RGS6: variants seen among roughly 807,000 people sequenced by gnomAD.
RGS6 encodes regulator of G protein signaling 6.
In RGS6, 30 loss-of-function variants were observed where a neutral mutation model predicts 78.5. That is an observed-to-expected ratio of 0.38 (90% CI 0.29 to 0.52). The LOEUF is 0.52. Among genes scored for constraint, RGS6 ranks in the 20% least tolerant of loss-of-function variants. RGS6 has a pLI of 0.85. For missense variants in RGS6, 495 were observed against 609.7 expected (o/e 0.81, Z 1.98); for synonymous variants, 206 against 206.0 (o/e 1.00, Z 0.00).
Position 72,070,349 on chromosome 14 carries a change from A to C in RGS6, c.84+105474A>C, listed in dbSNP as rs540879982. On this transcript the variant is annotated intron_variant, in intron 2 of 17. Transcript: ENST00000553525. The stretch of plus-strand genomic sequence containing the variant: ...TTACCAACTGTGACTCTTCACATTA[A>C]ATTTTTGGCTTCAGGGTTTTGGGAC... Among the ~76,000 whole-genome samples the C allele has an allele frequency of 1.9e-4, 29 of 152,288 alleles. 1 individual carries two copies. The highest frequency in any genetic ancestry group is 2.9e-4 in the Non-Finnish European group (20 of 68,022).
intron 2 of RGS6, among the ~76,000 whole-genome samples, chr14:72,317,033 A>G (rs2070476288): frequency 6.6e-6 from 1 of 152,052 alleles, no homozygotes; most frequent in South Asian, 2.1e-4. Flanking sequence ...ACTTACAGCA[A>G]TTACAACAAA....
chr14:72,482,282 C>G (rs552395418), intron 12 of RGS6, among the ~76,000 whole-genome samples: 2 of 152,062 alleles, frequency 1.3e-5, no homozygotes, highest in Non-Finnish European at 2.9e-5. Flanking sequence ...GCCCTGCTTC[C>G]CCTTCCCTAA....
intron 3 of RGS6, among the ~76,000 whole-genome samples, chr14:72,395,428 A>C (rs189455940): frequency 6.6e-6 from 1 of 152,330 alleles, no homozygotes; most frequent in Admixed American, 6.5e-5. Context: ...TTTAATTTAA[A>C]AAATACATAT....
At chr14:72,148,129 TAAAAAAAAAAAAAAA>T (rs35367140) in intron 2 of RGS6, among the ~76,000 whole-genome samples, 1 of 67,566 alleles carries the variant, frequency 1.5e-5, no homozygotes, top group African/African-American at 6.5e-5. Context: ...AGACTCCATC[TAAAAAAAAAAAAAAA>T]AAAAAAAAAA....
chr14:72,593,325 G>T, the RGS6 span, among the ~76,000 whole-genome samples: 1 of 152,216 alleles, frequency 6.6e-6, no homozygotes, highest in Non-Finnish European at 1.5e-5. Context: ...TCATACGATA[G>T]CAAGAAATGC....
At chr14:72,599,000 G>A in the RGS6 span, among the ~76,000 whole-genome samples, 498 of 151,848 alleles carry the variant, frequency 3.3e-3, 2 homozygotes, top group African/African-American at 0.011. Context: ...GTGCAGCCAC[G>A]GGATTCTCTA....
rs191902743 is a variant in RGS6 at position 72,473,158 on chromosome 14, A to G, written c.618+205A>G. On this transcript the variant is annotated intron_variant, in intron 9 of 17. Coordinates refer to ENST00000553525, the MANE Select transcript of RGS6 (RefSeq NM_001204424.2). ...AAGTTCCACCTTTTAAAAATTATTCATTCGGCCGGGCATGGCGGCTCACGC... is the reference window on the plus strand; with the variant it reads ...AAGTTCCACCTTTTAAAAATTATTCGTTCGGCCGGGCATGGCGGCTCACGC... Among the ~76,000 whole-genome samples, 522 of 152,334 alleles carry G rather than the reference A, an allele frequency of 3.4e-3. 6 individuals are homozygous for G. The highest frequency in any genetic ancestry group is 0.012 in the African/African-American group (505 of 41,578).
At chr14:72,299,966 C>T (rs1427452875) in intron 2 of RGS6, among the ~76,000 whole-genome samples, 1 of 151,818 alleles carries the variant, frequency 6.6e-6, no homozygotes, top group Admixed American at 6.6e-5. Flanking sequence ...TATCATTTTT[C>T]TCTTTTGTTT....
At chr14:72,487,104 A>G (rs2096501479) in intron 12 of RGS6, among the ~76,000 whole-genome samples, 1 of 152,036 alleles carries the variant, frequency 6.6e-6, no homozygotes, top group Admixed American at 6.6e-5. Context: ...TCCAAGATGC[A>G]CTTTGCTGTC....
intron 3 of RGS6, among the ~76,000 whole-genome samples, chr14:72,439,036 T>C (rs2153196718): frequency 6.6e-6 from 1 of 152,384 alleles, no homozygotes; most frequent in Admixed American, 6.5e-5. Flanking sequence ...GACCATCTCC[T>C]TCTTGTTCCT....
At chr14:71,960,337 A>G (rs1199561544) in intron 1 of RGS6, among the ~76,000 whole-genome samples, 2 of 152,234 alleles carry the variant, frequency 1.3e-5, no homozygotes, top group African/African-American at 4.8e-5. Flanking sequence ...GTTCATATCA[A>G]TAAACCTTGG....
chr14:72,150,037 C>A (rs1196382544), intron 2 of RGS6, among the ~76,000 whole-genome samples: 1 of 152,150 alleles, frequency 6.6e-6, no homozygotes, highest in East Asian at 1.9e-4. Flanking sequence ...TAGTGTTCCT[C>A]CCAAATTCAC....
At chr14:72,047,892 A>ATTTTT (rs1470612017) in intron 2 of RGS6, among the ~76,000 whole-genome samples, 1 of 83,466 alleles carries the variant, frequency 1.2e-5, no homozygotes, top group Non-Finnish European at 2.2e-5. Context: ...TGCCCAGCTA[A>ATTTTT]TTTTTGTTTT....
At chr14:72,560,056 G>A (rs2097649397) in intron 17 of RGS6, among the ~76,000 whole-genome samples, 1 of 152,108 alleles carries the variant, frequency 6.6e-6, no homozygotes, top group South Asian at 2.1e-4. Context: ...CTTTGTCTCT[G>A]GGCTTTGAAT....
At chr14:72,035,304 TA>T (rs2091525699) in intron 2 of RGS6, among the ~76,000 whole-genome samples, 1 of 151,768 alleles carries the variant, frequency 6.6e-6, no homozygotes, top group Admixed American at 6.6e-5. Context: ...AGCAATATAT[TA>T]TAATCCTTTT....
chr14:72,223,103 A>G (rs1483143937), intron 2 of RGS6, among the ~76,000 whole-genome samples: 2 of 152,232 alleles, frequency 1.3e-5, no homozygotes, highest in East Asian at 3.8e-4. Context: ...TCCCTTCAAG[A>G]GTTCAAATTT....
At chr14:71,905,712 A>G in the RGS6 span, among the ~76,000 whole-genome samples, 2 of 152,074 alleles carry the variant, frequency 1.3e-5, no homozygotes, top group Non-Finnish European at 2.9e-5. Context: ...CTGGTCTCGA[A>G]CTCCTGAGCT....
intron 2 of RGS6, among the ~76,000 whole-genome samples, chr14:72,049,859 T>G (rs991604345): frequency 1.3e-5 from 2 of 152,200 alleles, no homozygotes; most frequent in Admixed American, 6.5e-5. Flanking sequence ...TTTGAAGATA[T>G]GCTGTATCAA....
At chr14:72,132,325 G>C (rs2096341065) in intron 2 of RGS6, among the ~76,000 whole-genome samples, 1 of 151,080 alleles carries the variant, frequency 6.6e-6, no homozygotes, top group Non-Finnish European at 1.5e-5. Flanking sequence ...TGCCCAGGCT[G>C]GAGCGCAGTG....
Sources: gnomAD v4.1 joint callset for allele counts (sites outside exome capture counted in the v4.1 genomes callset) on GRCh38, gnomAD v4.1.1 for gene constraint, MANE v1.5 for transcripts, NCBI Gene and HGNC (gene_info 2026-07-23, HGNC 2026-07-21) for gene names.